ARHGAP44: variants seen among roughly 807,000 people sequenced by gnomAD.
ARHGAP44 encodes Rho GTPase activating protein 44.
ARHGAP44 carries 43 observed loss-of-function variants against 106.8 expected under a neutral mutation model. The observed-to-expected ratio is 0.40, with a 90% CI of 0.32 to 0.52. The LOEUF (loss-of-function observed/expected upper bound fraction) is 0.52. Among genes scored for constraint, ARHGAP44 ranks in the 20% least tolerant of loss-of-function variants. ARHGAP44 has a pLI of 0.48. For synonymous variants in ARHGAP44, 439 were observed against 410.3 expected, an observed-to-expected ratio of 1.07 and a Z score of -0.85; for missense variants, 866 against 1,050.5, an observed-to-expected ratio of 0.82 and a Z score of 2.43.
rs1041411336 is a variant in ARHGAP44 at position 12,991,508 on chromosome 17, C to A, written c.*1337C>A. The A allele has an allele frequency of 1.1e-5, 2 of 174,238 alleles. No individual in the cohort carries two copies. The highest frequency in any genetic ancestry group is 2.0e-4 in the East Asian group (2 of 9,942). The allele number at this position is 174,238 out of a possible 1,614,324, so 10.8% of individuals were successfully genotyped here. ...TTTGATGTTGCAGCTTTGCTCACTT[C>A]CTGGCAAGGGCAGGTCATGCCTCAA... On this transcript the variant is annotated 3_prime_UTR_variant, in exon 21 of 21. Coordinates refer to ENST00000379672, the MANE Select transcript of ARHGAP44 (RefSeq NM_014859.6).
At chr17:12,930,368 G>A (rs912773680) in intron 7 of ARHGAP44, among the ~76,000 whole-genome samples, 1 of 151,914 alleles carries the variant, frequency 6.6e-6, no homozygotes, top group African/African-American at 2.4e-5. Context: ...CAAGTAGCTG[G>A]GATTATAGGT....
chr17:12,949,117 C>G lies in ARHGAP44; in HGVS notation c.862-23C>G. 6.4e-7 allele frequency: 1 copy of G among 1,552,704 alleles called. No homozygotes were observed. Among genetic ancestry groups the G allele is most frequent in the Non-Finnish European group, 8.7e-7 (1 of 1,147,296 alleles). On this transcript the variant is annotated intron_variant, in intron 10 of 20. Transcript: ENST00000379672. The surrounding 1 kb of genome is among the most constrained non-coding windows in gnomAD (Gnocchi z 4.1). ...TGTTGTACCTTGGAGTTGCTGTGCGCTGACCCTCTGTCCTGTTGGTAGGGA... is the reference window on the plus strand; with the variant it reads ...TGTTGTACCTTGGAGTTGCTGTGCGGTGACCCTCTGTCCTGTTGGTAGGGA...
In ARHGAP44 at chr17:12,796,763, A is replaced by ATT. The variant is rs962291701; in HGVS notation, c.53+6886_53+6887dup. Reference sequence around the variant, plus strand: ...AGGCACCTGCCACCACACCTGGCTAATTTTTTTTTTTTTTTGAATTTTTAG... The same window carrying ATT: ...AGGCACCTGCCACCACACCTGGCTAATTTTTTTTTTTTTTTTTGAATTTTTAG... On this transcript the variant is annotated intron_variant, in intron 1 of 20. Coordinates refer to ENST00000379672, the MANE Select transcript of ARHGAP44 (RefSeq NM_014859.6). Among the ~76,000 whole-genome samples, 536 of 139,634 alleles carry ATT rather than the reference A, an allele frequency of 3.8e-3. 4 individuals carry two copies. Among genetic ancestry groups the ATT allele is most frequent in the South Asian group, 0.01 (45 of 4,302 alleles). The allele number at this position is 139,634 out of a possible 152,430, so 91.6% of individuals were successfully genotyped here. A position where few individuals can be genotyped will look rare whatever the true frequency, so the allele number is the denominator to read the frequency against.
At chr17:12,903,140 A>T (rs62058089) in intron 3 of ARHGAP44, among the ~76,000 whole-genome samples, 9,404 of 56,420 alleles carry the variant, frequency 0.17, 1,234 homozygotes, top group Non-Finnish European at 0.21. Flanking sequence ...AGAGAGAGAG[A>T]GTGTGTGTGT....
chr17:12,842,542 CA>C (rs1223700402), intron 1 of ARHGAP44, among the ~76,000 whole-genome samples: 2 of 152,076 alleles, frequency 1.3e-5, no homozygotes, highest in Non-Finnish European at 2.9e-5. Context: ...TCATTTGCAT[CA>C]GAACCACCTG....
intron 1 of ARHGAP44, among the ~76,000 whole-genome samples, chr17:12,849,789 A>G (rs988041436): frequency 6.6e-6 from 1 of 152,082 alleles, no homozygotes; most frequent in Non-Finnish European, 1.5e-5. Context: ...TCATAAAAAA[A>G]TAGGTAGCAT....
chr17:12,944,768 C>T (rs1249831347), intron 10 of ARHGAP44, among the ~76,000 whole-genome samples: 5 of 151,582 alleles, frequency 3.3e-5, no homozygotes, highest in African/African-American at 7.3e-5. Flanking sequence ...GGATTACAGG[C>T]GTGAGCCACT....
intron 1 of ARHGAP44, among the ~76,000 whole-genome samples, chr17:12,804,087 C>T (rs2034200349): frequency 6.6e-6 from 1 of 152,160 alleles, no homozygotes; most frequent in Non-Finnish European, 1.5e-5. Flanking sequence ...TCTTTCTCTC[C>T]ATTTTTCTTC....
intron 16 of ARHGAP44, among the ~76,000 whole-genome samples, chr17:12,960,579 G>GAAAAAA (rs2143194649): frequency 1.3e-5 from 2 of 151,822 alleles, no homozygotes; most frequent in Admixed American, 1.3e-4. Flanking sequence ...GAAAAAAAAA[G>GAAAAAA]AAAGAGAGTC....
intron 5 of ARHGAP44, 56 bp downstream of exon 5, chr17:12,916,067 C>A: frequency 1.5e-6 from 2 of 1,366,732 alleles, no homozygotes; most frequent in African/African-American, 1.4e-5. Flanking sequence ...CGAACAGGAG[C>A]CCCTCAATCA....
chr17:12,968,365 CCAGGACGTGGAAAACCCT>C (rs1236222536), intron 16 of ARHGAP44, among the ~76,000 whole-genome samples: 2 of 152,142 alleles, frequency 1.3e-5, no homozygotes, highest in Admixed American at 6.5e-5. Context: ...AGGAGGCTCC[CCAGGACGTGGAAAACCCT>C]GTGTAAGCAG....
chr17:12,842,430 AAAAG>A (rs1428323092), intron 1 of ARHGAP44, among the ~76,000 whole-genome samples: 3,512 of 141,214 alleles, frequency 0.025, 133 homozygotes, highest in African/African-American at 0.1. Flanking sequence ...AAAAAAAAAA[AAAAG>A]AAAGAAAAAA....
In ARHGAP44 at chr17:12,949,792, A is replaced by G. The variant is rs1598104805; in HGVS notation, c.1055+62A>G. On this transcript the variant is annotated intron_variant, in intron 12 of 20. Transcript: ENST00000379672. This position sits in a 1 kb window ranked among gnomAD's most constrained non-coding sequence, Gnocchi z 4.1. ...CAGTTTATTTGGGAGTATGTGCTGA[A>G]ATTATAGAAGCATGTAACCTATGAT... is the stretch of plus-strand genomic sequence containing the variant. 3 of 1,499,734 alleles carry G rather than the reference A, an allele frequency of 2.0e-6. No homozygotes were observed. In the East Asian group the frequency reaches 6.8e-5, roughly 34 times the overall value. 92.9% of individuals were successfully genotyped at this position (1,499,734 alleles called of 1,614,324 possible).
At chr17:12,944,266 CCTCT>C in intron 10 of ARHGAP44, 70 bp downstream of exon 10, 1 of 1,514,904 alleles carries the variant, frequency 6.6e-7, no homozygotes, top group Non-Finnish European at 8.8e-7. Flanking sequence ...CTTACAGGAT[CCTCT>C]CTCCTGTACC....
At chr17:12,962,603 G>C (rs28637913) in intron 16 of ARHGAP44, among the ~76,000 whole-genome samples, 9,629 of 152,222 alleles carry the variant, frequency 0.063, 334 homozygotes, top group Middle Eastern at 0.082. Context: ...TACACACACA[G>C]AGGAAATGTG....
At chr17:12,853,126 G>A (rs1379329781) in intron 1 of ARHGAP44, among the ~76,000 whole-genome samples, 6 of 152,184 alleles carry the variant, frequency 3.9e-5, no homozygotes, top group Admixed American at 3.9e-4. Flanking sequence ...CCCGAATACA[G>A]CCTTCACTCT....
At chr17:12,845,336 C>A (rs560875926) in intron 1 of ARHGAP44, among the ~76,000 whole-genome samples, 1 of 151,802 alleles carries the variant, frequency 6.6e-6, no homozygotes, top group African/African-American at 2.4e-5. Flanking sequence ...GGTGAAACCC[C>A]ATCTCTACTA....
intron 20 of ARHGAP44, chr17:12,985,992 G>C (rs1199221092): frequency 1.3e-5 from 2 of 152,194 alleles, no homozygotes; most frequent in East Asian, 3.9e-4. Flanking sequence ...TTCTCCAAAA[G>C]AGTGATTTAT....
intron 1 of ARHGAP44, among the ~76,000 whole-genome samples, chr17:12,857,474 T>C (rs1279293462): frequency 6.6e-6 from 1 of 152,174 alleles, no homozygotes; most frequent in East Asian, 1.9e-4. Context: ...CCTCATCTTA[T>C]AAAGCCACCA....
Sources: allele counts gnomAD v4.1 joint callset (sites outside exome capture counted in the v4.1 genomes callset), GRCh38; gene constraint gnomAD v4.1.1; non-coding constraint Gnocchi (gnomAD v3.1); transcripts MANE v1.5; gene names NCBI Gene and HGNC (gene_info 2026-07-23, HGNC 2026-07-21).